The following TIMP2 variants were observed in gnomAD, a reference collection of about 807,000 sequenced individuals.
The protein encoded by TIMP2 is metalloproteinase inhibitor 2.
Under a neutral mutation model 24.3 loss-of-function variants are expected in TIMP2, and 5 were observed. That is an observed-to-expected ratio of 0.21 (90% CI 0.11 to 0.43). The LOEUF is 0.43. Ranked by LOEUF, TIMP2 falls within the 20% of genes least tolerant of loss-of-function variation. The probability of loss-of-function intolerance (pLI) is 1.00; values close to 1 mark genes in which losing one functional copy is unlikely to be tolerated. For missense variants in TIMP2, 221 were observed against 297.5 expected (o/e 0.74, Z 1.89); for synonymous variants, 130 against 123.2 (o/e 1.06, Z -0.37).
In TIMP2 at chr17:78,897,113, G is replaced by A. The variant is rs879396924; in HGVS notation, c.131-23194C>T. 157 of 503,220 alleles carry A rather than the reference G, an allele frequency of 3.1e-4. 1 individual carries two copies. Among genetic ancestry groups the A allele is most frequent in the Non-Finnish European group, 3.8e-4 (148 of 389,370 alleles). 31.2% of individuals were successfully genotyped at this position (503,220 alleles called of 1,614,324 possible). On this transcript the variant is annotated intron_variant, in intron 1 of 4. Transcript: ENST00000262768. ...AGACAGCACCCCCCCGCCCCCCGCC[G>A]GCCTCCTCACCCCCTCCGAAGGAGA...
chr17:78,925,013 C>G lies in TIMP2; in HGVS notation c.76G>C (p.Ala26Pro). 1 of 1,253,604 alleles carries G rather than the reference C, an allele frequency of 8.0e-7. No homozygotes were observed. The highest frequency in any genetic ancestry group is 1.0e-6 in the Non-Finnish European group (1 of 985,728). 77.7% of individuals were successfully genotyped at this position (1,253,604 alleles called of 1,614,324 possible). ...LLATLLRPAD[A>P]CSCSPVHPQQ... ...GGGTGCACCGGGGAGCAGCTGCAGG[C>G]GTCGGCCGGGCGAAGCAGCGTCGCC... The change falls in exon 1 of 5, where the codon GCC (alanine) becomes CCC (proline). Residue 26 changes from alanine to proline, a missense_variant. Ala to Pro is a conservative substitution (Grantham distance 27, BLOSUM62 -1). Transcript: ENST00000262768.
chr17:78,923,396 T>TGGGGGGGGGGGGGGGGGGGG (rs1255104339), intron 1 of TIMP2, among the ~76,000 whole-genome samples: 15 of 47,668 alleles, frequency 3.1e-4, no homozygotes, highest in Non-Finnish European at 3.1e-4. Flanking sequence ...TGGGGCGGGG[T>TGGGGGGGGGGGGGGGGGGGG]GGGGGGGGGG....
intron 2 of TIMP2, among the ~76,000 whole-genome samples, chr17:78,872,719 TAAAG>T (rs1437785176): frequency 6.6e-6 from 1 of 152,182 alleles, no homozygotes; most frequent in Non-Finnish European, 1.5e-5. Context: ...TCCTGCTTCG[TAAAG>T]AAAGAGACTC....
At chr17:78,919,299 C>T (rs945801832) in intron 1 of TIMP2, among the ~76,000 whole-genome samples, 5 of 152,246 alleles carry the variant, frequency 3.3e-5, no homozygotes, top group Admixed American at 3.3e-4. Flanking sequence ...AAGCCAGAGC[C>T]GTGACATTTG....
intron 1 of TIMP2, among the ~76,000 whole-genome samples, chr17:78,874,586 T>C (rs766084387): frequency 4.6e-5 from 7 of 152,118 alleles, no homozygotes; most frequent in Non-Finnish European, 8.8e-5. Flanking sequence ...TTTTTGTTGT[T>C]GTTGTTATTG....
At chr17:78,894,722 C>G (rs1025694218) in intron 1 of TIMP2, among the ~76,000 whole-genome samples, 3 of 152,038 alleles carry the variant, frequency 2.0e-5, no homozygotes, top group Admixed American at 2.0e-4. Context: ...GGTGTATATT[C>G]ATGACCTTGA....
At chr17:78,879,728 G>T (rs950721887) in intron 1 of TIMP2, among the ~76,000 whole-genome samples, 2 of 152,156 alleles carry the variant, frequency 1.3e-5, no homozygotes, top group Admixed American at 1.3e-4. Context: ...CTGGGTTTGA[G>T]ATCAAGGGTG....
At chr17:78,863,741 C>T (rs114660798) in intron 3 of TIMP2, among the ~76,000 whole-genome samples, 84 of 152,212 alleles carry the variant, frequency 5.5e-4, no homozygotes, top group African/African-American at 2.0e-3. Flanking sequence ...TGCTGTGCTG[C>T]GTGTATGGGT....
intron 1 of TIMP2, among the ~76,000 whole-genome samples, chr17:78,890,168 G>A (rs979203124): frequency 6.6e-6 from 1 of 151,334 alleles, no homozygotes; most frequent in Non-Finnish European, 1.5e-5. Flanking sequence ...CCCTGTGAGG[G>A]AATGTGCCCT....
At chr17:78,918,086 A>T (rs966985448) in intron 1 of TIMP2, among the ~76,000 whole-genome samples, 7 of 146,198 alleles carry the variant, frequency 4.8e-5, no homozygotes, top group African/African-American at 1.8e-4. Flanking sequence ...ACACACACAC[A>T]CACACACACA....
rs34119062 is a variant in TIMP2 at position 78,913,895 on chromosome 17, GA to G, written c.130+11063del. ...CCACGGAGCGAAACTCTGTCTCGGGGAAAAAAAAAAAAAAAAAAAAATTCTA... is the reference window on the plus strand; with the variant it reads ...CCACGGAGCGAAACTCTGTCTCGGGGAAAAAAAAAAAAAAAAAAAATTCTA... On this transcript the variant is annotated intron_variant, in intron 1 of 4. Coordinates refer to ENST00000262768, the MANE Select transcript of TIMP2 (RefSeq NM_003255.5). 4.8e-4 allele frequency among the ~76,000 whole-genome samples: 49 copies of G among 102,168 alleles called. 1 individual carries two copies. The highest frequency in any genetic ancestry group is 1.3e-3 in the African/African-American group (34 of 27,078). The allele number at this position is 102,168 out of a possible 152,430, so 67.0% of individuals were successfully genotyped here.
chr17:78,893,404 TG>T (rs1247485583), intron 1 of TIMP2, among the ~76,000 whole-genome samples: 1 of 123,276 alleles, frequency 8.1e-6, no homozygotes, highest in Non-Finnish European at 1.6e-5. Flanking sequence ...TATGCAGGGG[TG>T]TGTGTGCATA....
intron 1 of TIMP2, among the ~76,000 whole-genome samples, chr17:78,894,624 C>T (rs1413841436): frequency 1.3e-5 from 2 of 152,100 alleles, no homozygotes; most frequent in African/African-American, 4.8e-5. Flanking sequence ...TGGGAATTCA[C>T]AGCCTTATCT....
intron 3 of TIMP2, among the ~76,000 whole-genome samples, chr17:78,861,647 G>A (rs950232017): frequency 1.3e-5 from 2 of 151,180 alleles, no homozygotes; most frequent in African/African-American, 2.4e-5. Context: ...CTGTCACCGA[G>A]GCTGGAGTGC....
chr17:78,883,639 C>T (rs1252810607), intron 1 of TIMP2, among the ~76,000 whole-genome samples: 2 of 152,208 alleles, frequency 1.3e-5, no homozygotes, highest in East Asian at 1.9e-4. Context: ...TCCCCGGCTG[C>T]CTGAGATTCT....
chr17:78,870,911 T>A lies in TIMP2; in HGVS notation c.327A>T (p.Glu109Asp). 6.2e-7 allele frequency: 1 copy of A among 1,613,794 alleles called. No individual in the cohort carries two copies. The highest frequency in any genetic ancestry group is 8.5e-7 in the Non-Finnish European group (1 of 1,179,830). The change falls in exon 3 of 5, where the codon GAA (glutamate) becomes GAT (aspartate). Residue 109 changes from glutamate to aspartate, a missense_variant. By Grantham distance (45) the Glu-to-Asp change is conservative. Coordinates refer to ENST00000262768, the MANE Select transcript of TIMP2 (RefSeq NM_003255.5). Reference protein sequence around the residue: ...GVSLDVGGKKEYLIAGKAEGD... With the variant: ...GVSLDVGGKKDYLIAGKAEGD... ...ACTCATACACACCTGCAATGAGATA[T>A]TCCTTCTTTCCTCCAACGTCCAGCG...
At chr17:78,874,424 C>G (rs2069711830) in intron 1 of TIMP2, among the ~76,000 whole-genome samples, 2 of 152,166 alleles carry the variant, frequency 1.3e-5, no homozygotes, top group African/African-American at 2.4e-5. Flanking sequence ...CTATTGGAAA[C>G]AAGCTTTTCT....
Position 78,924,565 on chromosome 17 carries a change from G to T in TIMP2, c.130+394C>A, listed in dbSNP as rs952165246. Reference sequence around the variant, plus strand: ...GAAGCCCAACTCCCACCTTATCTGCGAAAGTTTCTTCCTGGGGTCCCCAGT... The same window carrying T: ...GAAGCCCAACTCCCACCTTATCTGCTAAAGTTTCTTCCTGGGGTCCCCAGT... On this transcript the variant is annotated intron_variant, in intron 1 of 4. Coordinates refer to ENST00000262768, the MANE Select transcript of TIMP2 (RefSeq NM_003255.5). This position sits in a 1 kb window ranked among gnomAD's most constrained non-coding sequence, Gnocchi z 5.3. Among the ~76,000 whole-genome samples the T allele has an allele frequency of 6.6e-6, 1 of 152,074 alleles. No individual in the cohort carries two copies.
intron 3 of TIMP2, among the ~76,000 whole-genome samples, chr17:78,862,182 G>A (rs1040881041): frequency 2.0e-5 from 3 of 152,240 alleles, no homozygotes; most frequent in African/African-American, 7.2e-5. Flanking sequence ...GTGAGACTGA[G>A]TCATCGGTCC....
Sources: allele counts gnomAD v4.1 joint callset (sites outside exome capture counted in the v4.1 genomes callset), GRCh38; gene constraint gnomAD v4.1.1; non-coding constraint Gnocchi (gnomAD v3.1); transcripts MANE v1.5; gene names NCBI Gene and HGNC (gene_info 2026-07-23, HGNC 2026-07-21).